The following UPK1B variants were observed in gnomAD, a reference collection of about 807,000 sequenced individuals.
The protein encoded by UPK1B is uroplakin 1B.
A neutral mutation model predicts 34.2 loss-of-function variants in UPK1B; 28 were observed. The ratio of observed to expected loss-of-function variants is 0.82; its 90% CI spans 0.61 to 1.12. The LOEUF is 1.12. UPK1B is among the 50% of genes most tolerant of loss of function. UPK1B has a pLI of 0.00. For missense variants in UPK1B, 325 were observed against 320.9 expected, an observed-to-expected ratio of 1.01 and a Z score of -0.10; for synonymous variants, 81 against 110.4, an observed-to-expected ratio of 0.73 and a Z score of 1.67.
intron 1 of UPK1B, among the ~76,000 whole-genome samples, chr3:119,181,940 C>T (rs1238864874): frequency 6.6e-6 from 1 of 152,168 alleles, no homozygotes; most frequent in Non-Finnish European, 1.5e-5. Context: ...GAGAAAGTGG[C>T]CCCAGGACAA....
chr3:119,201,240 C>G (rs759505330), intron 7 of UPK1B, among the ~76,000 whole-genome samples: 1 of 152,166 alleles, frequency 6.6e-6, no homozygotes, highest in Non-Finnish European at 1.5e-5. Flanking sequence ...ACATAATGGA[C>G]TTCTGAACTG....
chr3:119,204,012 A>G lies in UPK1B; in HGVS notation c.*45A>G. ...TACCTCCTTCCCCGAGTGACTCTGGATTTGGTGCTGGAACCAGCTCTCTCC... is the reference window on the plus strand; with the variant it reads ...TACCTCCTTCCCCGAGTGACTCTGGGTTTGGTGCTGGAACCAGCTCTCTCC... On this transcript the variant is annotated 3_prime_UTR_variant, in exon 8 of 8. Coordinates refer to ENST00000264234, the MANE Select transcript of UPK1B (RefSeq NM_006952.4). The G allele has an allele frequency of 6.2e-7, 1 of 1,605,064 alleles. No homozygotes were observed. Among genetic ancestry groups the G allele is most frequent in the East Asian group, 2.2e-5 (1 of 44,834 alleles).
chr3:119,191,238 TC>T (rs1195184546), intron 5 of UPK1B, 134 bp downstream of exon 5: 2 of 1,132,524 alleles, frequency 1.8e-6, no homozygotes, highest in African/African-American at 3.1e-5. Context: ...AATGATTTTG[TC>T]AAGAAACTTA....
chr3:119,182,224 C>T (rs556064266), intron 1 of UPK1B, among the ~76,000 whole-genome samples: 2 of 152,170 alleles, frequency 1.3e-5, no homozygotes, highest in Non-Finnish European at 2.9e-5. Context: ...TGTAAGCCCT[C>T]CTGGTCCCTC....
intron 5 of UPK1B, among the ~76,000 whole-genome samples, chr3:119,193,022 T>TG (rs61661537): frequency 1 from 152,224 of 152,224 alleles, 76,112 homozygotes; most frequent in Non-Finnish European, 1. Flanking sequence ...AAAACAACCC[T>TG]GCCATAATTA....
In UPK1B at chr3:119,190,986, C is replaced by T. The variant is rs1314847974; in HGVS notation, c.350C>T (p.Thr117Ile). Reference sequence around the variant, plus strand: ...TGTTGCCTCTTCCTACTATAGTTCACACCCAACCTCTTCCTGAAGCAGATG... The same window carrying T: ...TGTTGCCTCTTCCTACTATAGTTCATACCCAACCTCTTCCTGAAGCAGATG... Reference protein sequence around the residue: ...ITAATQQDFFTPNLFLKQMLE... With the variant: ...ITAATQQDFFIPNLFLKQMLE... The change falls in exon 5 of 8, where the codon ACA becomes ATA. Residue 117 changes from threonine (T) to isoleucine (I), a missense_variant. Coordinates refer to ENST00000264234, the MANE Select transcript of UPK1B (RefSeq NM_006952.4). The T allele has an allele frequency of 6.2e-7, 1 of 1,613,928 alleles. No individual in the cohort carries two copies. The highest frequency in any genetic ancestry group is 8.5e-7 in the Non-Finnish European group (1 of 1,179,874).
intron 7 of UPK1B, among the ~76,000 whole-genome samples, 169 bp downstream of exon 7, chr3:119,199,309 A>G (rs541545742): frequency 6.6e-6 from 1 of 152,322 alleles, no homozygotes; most frequent in South Asian, 2.1e-4. Context: ...GGTTCTCTTG[A>G]GAGGCAAGGA....
intron 1 of UPK1B, among the ~76,000 whole-genome samples, chr3:119,177,471 T>A (rs2077962272): frequency 6.6e-6 from 1 of 152,244 alleles, no homozygotes; most frequent in Admixed American, 6.5e-5. Flanking sequence ...TTTCTCTCTG[T>A]GAGCCTTAAA....
intron 6 of UPK1B, among the ~76,000 whole-genome samples, chr3:119,195,232 A>G (rs989501545): frequency 1.4e-4 from 21 of 152,206 alleles, no homozygotes; most frequent in African/African-American, 4.8e-4. Flanking sequence ...ATTCCCCAAA[A>G]GCCCTGATGA....
At chr3:119,181,142 GGCTA>G (rs1477709203) in intron 1 of UPK1B, among the ~76,000 whole-genome samples, 4 of 151,990 alleles carry the variant, frequency 2.6e-5, no homozygotes, top group Admixed American at 2.6e-4. Flanking sequence ...ATCGTTCTGG[GGCTA>G]GCTATGTGTT....
rs143153236 is a variant in UPK1B at position 119,194,184 on chromosome 3, C to T, written c.469-35C>T. ...ACATTGATGGCTCTAGTAGGGACCA[C>T]GAAAGAGAATTTTGTATCTCTCATC... On this transcript the variant is annotated intron_variant, in intron 5 of 7. Transcript: ENST00000264234. 8.7e-4 allele frequency: 1,391 copies of T among 1,606,816 alleles called. 9 individuals are homozygous for T. In the African/African-American group the frequency reaches 0.016, roughly 19 times the overall value.
At chr3:119,196,064 C>T (rs1183396029) in intron 6 of UPK1B, among the ~76,000 whole-genome samples, 2 of 152,160 alleles carry the variant, frequency 1.3e-5, no homozygotes, top group Non-Finnish European at 2.9e-5. Flanking sequence ...ACTACAAATT[C>T]ATCATCACTC....
intron 1 of UPK1B, among the ~76,000 whole-genome samples, chr3:119,178,054 C>G (rs1420953997): frequency 1.4e-5 from 2 of 145,712 alleles, no homozygotes; most frequent in Non-Finnish European, 3.0e-5. Flanking sequence ...ACCCTAAGCA[C>G]AGCATGGTGG....
rs763060314 is a variant in UPK1B, at chr3:119,199,099, T to TG, written c.697dup (p.Val233GlyfsTer27). On this transcript the variant is annotated frameshift_variant, in exon 7 of 8. Transcript: ENST00000264234. LOFTEE classifies it high-confidence loss of function. ...CTCTGGTCCAATGAACCGACACGCCTGGGGGGTTGCCTGGTTTGGATTTGC... is the reference window on the plus strand; with the variant it reads ...CTCTGGTCCAATGAACCGACACGCCTGGGGGGGTTGCCTGGTTTGGATTTGC... The TG allele has an allele frequency of 6.2e-7, 1 of 1,614,030 alleles. No individual in the cohort carries two copies. Among genetic ancestry groups the TG allele is most frequent in the Admixed American group, 1.7e-5 (1 of 59,996 alleles).
At chr3:119,198,744 A>C (rs1276912851) in intron 6 of UPK1B, among the ~76,000 whole-genome samples, 2 of 152,348 alleles carry the variant, frequency 1.3e-5, no homozygotes, top group African/African-American at 2.4e-5. Context: ...AATTGAATTA[A>C]GATTTTTGAA....
In UPK1B at chr3:119,191,084, T is replaced by C; in HGVS notation, c.448T>C (p.Trp150Arg). The C allele has an allele frequency of 6.2e-7, 1 of 1,613,880 alleles. No individual in the cohort carries two copies. The highest frequency in any genetic ancestry group is 8.5e-7 in the Non-Finnish European group (1 of 1,179,870). ...GAAAAACAATGGAGTCACCAAAACC[T>C]GGGACAGGCTCATGCTCCAGGTAAG... is the stretch of plus-strand genomic sequence containing the variant. ...QWKNNGVTKT[W>R]DRLMLQDNCC... Residue 150 changes from tryptophan to arginine, a missense_variant, in exon 5 of 8, where the codon TGG becomes CGG. Physicochemically the swap from Trp to Arg is moderately radical, Grantham distance 101. Transcript: ENST00000264234.
At chr3:119,182,380 C>T (rs902968063) in intron 1 of UPK1B, among the ~76,000 whole-genome samples, 3 of 152,134 alleles carry the variant, frequency 2.0e-5, no homozygotes, top group African/African-American at 7.2e-5. Flanking sequence ...AAAACAAAAT[C>T]ATAACCCAAT....
intron 1 of UPK1B, among the ~76,000 whole-genome samples, chr3:119,184,233 C>T (rs547053335): frequency 8.2e-4 from 125 of 152,290 alleles, no homozygotes; most frequent in Non-Finnish European, 1.1e-3. Flanking sequence ...GTGGCAGAGT[C>T]ATCTCTGGAA....
intron 1 of UPK1B, among the ~76,000 whole-genome samples, chr3:119,185,306 A>G (rs1414540822): frequency 6.6e-6 from 1 of 152,244 alleles, no homozygotes; most frequent in Non-Finnish European, 1.5e-5. Context: ...CAGTGTAACA[A>G]TGAGGTTAAA....
Sources: gnomAD v4.1 joint callset for allele counts (sites outside exome capture counted in the v4.1 genomes callset) on GRCh38, gnomAD v4.1.1 for gene constraint, MANE v1.5 for transcripts, NCBI Gene and HGNC (gene_info 2026-07-23, HGNC 2026-07-21) for gene names.